Variants in GRIN3A observed in about 807,000 individuals in gnomAD.
The protein encoded by GRIN3A is glutamate ionotropic receptor NMDA type subunit 3A.
A neutral mutation model predicts 92.4 loss-of-function variants in GRIN3A; 47 were observed. The ratio of observed to expected loss-of-function variants is 0.51; its 90% CI spans 0.40 to 0.65. The LOEUF is 0.65. Ranked by LOEUF, GRIN3A falls within the 30% of genes least tolerant of loss-of-function variation. The pLI is 0.00. For synonymous variants in GRIN3A, 527 were observed against 540.6 expected, an observed-to-expected ratio of 0.97 and a Z score of 0.35; for missense variants, 1,324 against 1,393.1, an observed-to-expected ratio of 0.95 and a Z score of 0.79.
At chr9:101,652,211 C>A (rs764731734) in intron 3 of GRIN3A, among the ~76,000 whole-genome samples, 1 of 151,898 alleles carries the variant, frequency 6.6e-6, no homozygotes, top group Non-Finnish European at 1.5e-5. Context: ...GTCACAAAAC[C>A]CAGTTATGGA....
intron 2 of GRIN3A, among the ~76,000 whole-genome samples, chr9:101,679,863 G>A (rs1829446329): frequency 6.6e-6 from 1 of 152,180 alleles, no homozygotes; most frequent in South Asian, 2.1e-4. Context: ...TAACCAGTTT[G>A]TGTTGGTAGA....
At chr9:101,666,579 C>G (rs1829239124) in intron 3 of GRIN3A, among the ~76,000 whole-genome samples, 1 of 152,000 alleles carries the variant, frequency 6.6e-6, no homozygotes, top group Admixed American at 6.6e-5. Context: ...ATCTATACAA[C>G]AAACCCCCAT....
chr9:101,654,232 A>G (rs1331267142), intron 3 of GRIN3A, among the ~76,000 whole-genome samples: 2 of 151,554 alleles, frequency 1.3e-5, no homozygotes, highest in Admixed American at 1.3e-4. Flanking sequence ...TTTTATAGAA[A>G]ATGGCTTTAT....
intron 6 of GRIN3A, chr9:101,594,548 G>C (rs1200972717): frequency 4.3e-6 from 7 of 1,614,068 alleles, no homozygotes; most frequent in African/African-American, 2.7e-5. Context: ...CTGCCAGTCC[G>C]TCAGGTTGTT....
chr9:101,659,779 A>G (rs934801560), intron 3 of GRIN3A, among the ~76,000 whole-genome samples: 13 of 151,888 alleles, frequency 8.6e-5, no homozygotes, highest in Non-Finnish European at 1.6e-4. Context: ...CACGGTATCT[A>G]ATTGAAAACA....
At chr9:101,717,257 G>A (rs1363291505) in intron 1 of GRIN3A, among the ~76,000 whole-genome samples, 2 of 152,136 alleles carry the variant, frequency 1.3e-5, no homozygotes, top group African/African-American at 4.8e-5. Context: ...GTGGTTCCTG[G>A]TCACATTTTG....
intron 3 of GRIN3A, among the ~76,000 whole-genome samples, chr9:101,647,031 G>A (rs917689903): frequency 6.6e-6 from 1 of 151,780 alleles, no homozygotes; most frequent in Non-Finnish European, 1.5e-5. Context: ...CCAGTACTAT[G>A]TTGAATAAAA....
intron 3 of GRIN3A, among the ~76,000 whole-genome samples, chr9:101,629,513 T>A (rs1828684370): frequency 6.6e-6 from 1 of 152,218 alleles, no homozygotes. Context: ...CACTGCCATA[T>A]AGGAACTCTT....
chr9:101,733,954 C>T (rs1830171652), intron 1 of GRIN3A, among the ~76,000 whole-genome samples: 1 of 152,066 alleles, frequency 6.6e-6, no homozygotes, highest in Non-Finnish European at 1.5e-5. Context: ...CTGCCTCAGC[C>T]TCCCAAGCAG....
intron 1 of GRIN3A, among the ~76,000 whole-genome samples, chr9:101,703,307 A>G (rs1363413494): frequency 6.6e-6 from 1 of 152,080 alleles, no homozygotes; most frequent in East Asian, 1.9e-4. Flanking sequence ...TTCCTGTCTC[A>G]TACCCTGGTG....
chr9:101,578,833 G>T lies in GRIN3A; in HGVS notation c.2931+363C>A, dbSNP rs190312587. 3.3e-5 allele frequency among the ~76,000 whole-genome samples: 5 copies of T among 152,288 alleles called. No homozygotes were observed. The East Asian group carries it at 9.7e-4, about 29-fold the overall frequency. The stretch of plus-strand genomic sequence containing the variant: ...GTGGGGTCACTTAAAGGGGACCAGG[G>T]ACTTTAAACTCACGTAATAGGTTTC... On this transcript the variant is annotated intron_variant, in intron 7 of 8. Coordinates refer to ENST00000361820, the MANE Select transcript of GRIN3A (RefSeq NM_133445.3).
At chr9:101,680,562 C>G (rs1436876960) in intron 2 of GRIN3A, among the ~76,000 whole-genome samples, 1 of 152,096 alleles carries the variant, frequency 6.6e-6, no homozygotes, top group Non-Finnish European at 1.5e-5. Context: ...CCTAGAAATG[C>G]TAGCACCAGC....
At chr9:101,731,190 T>G (rs924290319) in intron 1 of GRIN3A, among the ~76,000 whole-genome samples, 10 of 152,154 alleles carry the variant, frequency 6.6e-5, no homozygotes, top group African/African-American at 2.4e-4. Context: ...TGCCTTTTCT[T>G]ATGGGATATT....
intron 6 of GRIN3A, among the ~76,000 whole-genome samples, chr9:101,600,232 G>T (rs1828193865): frequency 6.6e-6 from 1 of 152,194 alleles, no homozygotes; most frequent in South Asian, 2.1e-4. Context: ...GAATGGTAGA[G>T]ATTATAATTA....
rs545831237 is a variant in GRIN3A, at chr9:101,607,963, G to A, written c.2766+5413C>T. On this transcript the variant is annotated intron_variant, in intron 6 of 8. Coordinates refer to ENST00000361820, the MANE Select transcript of GRIN3A (RefSeq NM_133445.3). ...CTGAAGATTGGTTTCATTTAATTAC[G>A]TTCTATCTTTAGGTTCTGTGAGGAC... 5.3e-5 allele frequency among the ~76,000 whole-genome samples: 8 copies of A among 152,268 alleles called. No homozygotes were observed. The East Asian group carries it at 1.5e-3, about 29-fold the overall frequency.
At chr9:101,594,689 C>A (rs144342934) in intron 6 of GRIN3A, 36 of 1,614,062 alleles carry the variant, frequency 2.2e-5, no homozygotes, top group Non-Finnish European at 2.8e-5. Flanking sequence ...CTGGGAGGTC[C>A]CCAGGATGAA....
chr9:101,654,855 A>C (rs1282424882), intron 3 of GRIN3A, among the ~76,000 whole-genome samples: 1 of 151,800 alleles, frequency 6.6e-6, no homozygotes, highest in Non-Finnish European at 1.5e-5. Context: ...TTATCTTGCT[A>C]AAGTGTAAGA....
intron 6 of GRIN3A, chr9:101,594,503 A>G: frequency 6.2e-7 from 1 of 1,614,188 alleles, no homozygotes; most frequent in Non-Finnish European, 8.5e-7. Flanking sequence ...ATCCTTGTCC[A>G]GGATGATGAT....
intron 1 of GRIN3A, among the ~76,000 whole-genome samples, chr9:101,729,209 A>G (rs1293001004): frequency 6.6e-6 from 1 of 152,206 alleles, no homozygotes; most frequent in Non-Finnish European, 1.5e-5. Flanking sequence ...TCCTCCCTGC[A>G]TAAGTCTGTG....
Sources: gnomAD v4.1 joint callset for allele counts (sites outside exome capture counted in the v4.1 genomes callset) on GRCh38, gnomAD v4.1.1 for gene constraint, MANE v1.5 for transcripts, NCBI Gene and HGNC (gene_info 2026-07-23, HGNC 2026-07-21) for gene names.